GASK1A: variants seen among roughly 807,000 people sequenced by gnomAD.
The protein encoded by GASK1A is Golgi-associated kinase 1A.
In GASK1A, 40 loss-of-function variants were observed where a neutral mutation model predicts 41.2. That is an observed-to-expected ratio of 0.97 (90% CI 0.75 to 1.27). The LOEUF is 1.27. Among genes scored for constraint, GASK1A ranks in the 50% most tolerant of loss-of-function variants. The pLI is 0.00. For missense variants in GASK1A, 678 were observed against 745.1 expected, an observed-to-expected ratio of 0.91 and a Z score of 1.05; for synonymous variants, 316 against 307.1, an observed-to-expected ratio of 1.03 and a Z score of -0.30.
Position 43,033,589 on chromosome 3 carries a change from G to A in GASK1A, c.1290+36G>A, listed in dbSNP as rs1001347013. 6.9e-5 allele frequency: 102 copies of A among 1,471,740 alleles called. No individual in the cohort carries two copies. The Admixed American group carries it at 2.2e-3, about 31-fold the overall frequency. 91.2% of individuals were successfully genotyped at this position (1,471,740 alleles called of 1,614,324 possible). On this transcript the variant is annotated intron_variant, in intron 2 of 4. Coordinates refer to ENST00000430121, the MANE Select transcript of GASK1A (RefSeq NM_001129908.3). ...TTGGGCAGCAGGGGTAGAGAGCTGC[G>A]GAGGTAGGGGGTTCTGGGTGGAGAG...
chr3:43,047,106 G>C (rs949205671), intron 2 of GASK1A, among the ~76,000 whole-genome samples: 1 of 152,238 alleles, frequency 6.6e-6, no homozygotes, highest in Non-Finnish European at 1.5e-5. Context: ...CAGTGGGGCT[G>C]CCTGATGGAG....
At chr3:43,042,052 A>G (rs2089640622) in intron 2 of GASK1A, among the ~76,000 whole-genome samples, 1 of 152,240 alleles carries the variant, frequency 6.6e-6, no homozygotes, top group South Asian at 2.1e-4. Flanking sequence ...TGAGGAAACC[A>G]TCTTGGCCCC....
intron 1 of GASK1A, among the ~76,000 whole-genome samples, chr3:42,997,499 CAT>C (rs2089383189): frequency 2.0e-5 from 3 of 151,752 alleles, no homozygotes; most frequent in African/African-American, 7.3e-5. Flanking sequence ...GAAAACAACA[CAT>C]GCCCATTCTT....
At chr3:43,048,614 T>G (rs1024449602) in intron 2 of GASK1A, among the ~76,000 whole-genome samples, 27 of 152,156 alleles carry the variant, frequency 1.8e-4, no homozygotes, top group African/African-American at 6.5e-4. Context: ...AACACTGCTG[T>G]GGGGTATCAT....
intron 1 of GASK1A, among the ~76,000 whole-genome samples, chr3:42,992,228 A>T (rs1251015779): frequency 6.6e-6 from 1 of 152,060 alleles, no homozygotes; most frequent in Non-Finnish European, 1.5e-5. Context: ...AATTGTCGTA[A>T]TATCTTACTC....
intron 3 of GASK1A, among the ~76,000 whole-genome samples, 171 bp from the exon 4 acceptor site, chr3:43,055,261 A>C (rs2089710176): frequency 6.6e-6 from 1 of 152,218 alleles, no homozygotes; most frequent in Non-Finnish European, 1.5e-5. Flanking sequence ...GGAAGCACTT[A>C]GCACAGTGCC....
chr3:43,055,481 A>G lies in GASK1A; in HGVS notation c.1463A>G (p.Asn488Ser). The G allele has an allele frequency of 1.3e-6, 2 of 1,551,878 alleles. No individual in the cohort carries two copies. Among genetic ancestry groups the G allele is most frequent in the Non-Finnish European group, 1.7e-6 (2 of 1,147,024 alleles). Residue 488 changes from asparagine to serine, a missense_variant, in exon 4 of 5, where the codon AAC becomes AGC. Physicochemically the swap from Asn to Ser is conservative, Grantham distance 46. Transcript: ENST00000430121. The part of the protein sequence containing the change: ...SHLVYIDNAG[N>S]LQHPEDKLNF... ...CTGGTCTACATCGATAACGCTGGCA[A>G]CCTTCAGCACCCTGAGGACAAGCTG...
At chr3:42,980,592 A>C (rs2089277910) in intron 1 of GASK1A, among the ~76,000 whole-genome samples, 1 of 152,026 alleles carries the variant, frequency 6.6e-6, no homozygotes, top group South Asian at 2.1e-4. Context: ...GGCTGTCTAG[A>C]GACTGCGCTG....
At chr3:43,015,617 G>A (rs146038784) in intron 1 of GASK1A, among the ~76,000 whole-genome samples, 37 of 149,252 alleles carry the variant, frequency 2.5e-4, no homozygotes, top group African/African-American at 8.4e-4. Context: ...CAGGAAGCGG[G>A]TGTGTGAAGT....
intron 1 of GASK1A, among the ~76,000 whole-genome samples, chr3:42,997,443 G>C (rs1472316934): frequency 6.6e-6 from 1 of 151,806 alleles, no homozygotes; most frequent in South Asian, 2.1e-4. Flanking sequence ...AGAGAGGGGG[G>C]GGGGATCTGG....
chr3:43,037,174 TG>T, intron 2 of GASK1A: 2 of 1,100,290 alleles, frequency 1.8e-6, no homozygotes, highest in Non-Finnish European at 2.7e-6. Context: ...GTGGAAGAAG[TG>T]GCCAAAGAAC....
At chr3:43,001,575 T>C (rs2089409245) in intron 1 of GASK1A, among the ~76,000 whole-genome samples, 1 of 152,280 alleles carries the variant, frequency 6.6e-6, no homozygotes, top group Non-Finnish European at 1.5e-5. Flanking sequence ...TGAGGGGAAA[T>C]ATTGATTAAT....
At chr3:43,040,948 C>T (rs1225218132) in intron 2 of GASK1A, among the ~76,000 whole-genome samples, 1 of 149,624 alleles carries the variant, frequency 6.7e-6, no homozygotes, top group East Asian at 2.0e-4. Flanking sequence ...TTGTTCAATT[C>T]CCACCTATGA....
intron 1 of GASK1A, among the ~76,000 whole-genome samples, chr3:42,998,767 G>A (rs574005669): frequency 2.6e-5 from 4 of 152,270 alleles, no homozygotes; most frequent in Admixed American, 6.5e-5. Context: ...GTGCTAACCT[G>A]GGGTTTTCTG....
chr3:43,044,541 T>G (rs533710265), intron 2 of GASK1A, among the ~76,000 whole-genome samples: 2 of 152,208 alleles, frequency 1.3e-5, no homozygotes, highest in South Asian at 2.1e-4. Context: ...CCCATTTTGT[T>G]GATGAGAAAA....
intron 1 of GASK1A, among the ~76,000 whole-genome samples, chr3:43,009,476 G>A (rs1249052516): frequency 2.0e-5 from 3 of 152,286 alleles, no homozygotes; most frequent in South Asian, 2.1e-4. Context: ...AAGTCCCCAG[G>A]GCCAGAACTG....
In GASK1A at chr3:43,032,411, C is replaced by T; in HGVS notation, c.148C>T (p.Gln50Ter). ...AGPDPGPMEP[Q>*]GVTGAPATHI... ...CCCAGACCCTGGTCCCATGGAGCCT[C>T]AGGGGGTAACTGGCGCCCCTGCAAC... Residue 50 changes from glutamine (Q) to a stop codon, truncating the protein, a stop_gained, in exon 2 of 5, where the codon CAG becomes TAG. Coordinates refer to ENST00000430121, the MANE Select transcript of GASK1A (RefSeq NM_001129908.3). LOFTEE classifies it high-confidence loss of function. 2 of 1,551,466 alleles carry T rather than the reference C, an allele frequency of 1.3e-6. No individual in the cohort carries two copies. Among genetic ancestry groups the T allele is most frequent in the Non-Finnish European group, 1.7e-6 (2 of 1,146,790 alleles).
At chr3:43,005,984 G>A (rs1457495326) in intron 1 of GASK1A, among the ~76,000 whole-genome samples, 1 of 152,218 alleles carries the variant, frequency 6.6e-6, no homozygotes, top group Non-Finnish European at 1.5e-5. Flanking sequence ...TATCTTCCAA[G>A]GATAAGGGGT....
At chr3:42,988,997 T>C (rs2089327108) in intron 1 of GASK1A, among the ~76,000 whole-genome samples, 1 of 152,158 alleles carries the variant, frequency 6.6e-6, no homozygotes, top group South Asian at 2.1e-4. Flanking sequence ...AAAAAGTAAC[T>C]GTAGTGCTGT....
Sources: gnomAD v4.1 joint callset for allele counts (sites outside exome capture counted in the v4.1 genomes callset) on GRCh38, gnomAD v4.1.1 for gene constraint, MANE v1.5 for transcripts, NCBI Gene and HGNC (gene_info 2026-07-23, HGNC 2026-07-21) for gene names.